The following FRMD3 variants were observed in gnomAD, a reference collection of about 807,000 sequenced individuals.
FRMD3 encodes FERM domain containing 3.
FRMD3 carries 33 observed loss-of-function variants against 70.2 expected under a neutral mutation model. The observed-to-expected ratio is 0.47, with a 90% confidence interval of 0.36 to 0.63. The LOEUF (loss-of-function observed/expected upper bound fraction) is 0.63, where lower values mean the gene tolerates loss of function less well. FRMD3 is among the 20% of genes least tolerant of loss of function. The pLI is 0.00. For missense variants in FRMD3, 632 were observed against 711.4 expected (o/e 0.89, Z 1.27); for synonymous variants, 279 against 255.9 (o/e 1.09, Z -0.86).
intron 1 of FRMD3, among the ~76,000 whole-genome samples, chr9:83,475,180 A>G (rs1828366091): frequency 6.6e-6 from 1 of 152,204 alleles, no homozygotes; most frequent in African/African-American, 2.4e-5. Context: ...ACAGATTCAC[A>G]GGTGATCTAG....
intron 6 of FRMD3, among the ~76,000 whole-genome samples, chr9:83,331,631 A>G (rs963850255): frequency 1.3e-5 from 2 of 152,206 alleles, no homozygotes; most frequent in African/African-American, 4.8e-5. Flanking sequence ...CGGTTGTAAT[A>G]CATGTACCAC....
chr9:83,343,052 G>A lies in FRMD3; in HGVS notation c.472+138C>T, dbSNP rs966821856. On this transcript the variant is annotated intron_variant, in intron 5 of 13. Coordinates refer to ENST00000304195, the MANE Select transcript of FRMD3 (RefSeq NM_174938.6). ...GGAAGGGAAGGTGAGTTGGGGTTCT[G>A]TTGCTACGTACCCAGCCCTACATGG... 5.9e-6 allele frequency: 4 copies of A among 677,834 alleles called. No individual in the cohort carries two copies. In the Admixed American group the frequency reaches 7.2e-5, roughly 12 times the overall value. The allele number at this position is 677,834 out of a possible 1,614,324, so 42.0% of individuals were successfully genotyped here. A position where few individuals can be genotyped will look rare whatever the true frequency, so the allele number is the denominator to read the frequency against.
the FRMD3 span, among the ~76,000 whole-genome samples, chr9:83,558,834 A>G: frequency 6.6e-6 from 1 of 152,254 alleles, no homozygotes; most frequent in African/African-American, 2.4e-5. Context: ...GAGGAGTTCA[A>G]GACTTCAGTG....
intron 1 of FRMD3, among the ~76,000 whole-genome samples, chr9:83,515,875 A>G (rs985376781): frequency 6.6e-6 from 1 of 152,184 alleles, no homozygotes; most frequent in African/African-American, 2.4e-5. Context: ...ACTAAGCTTC[A>G]TTAAGTGAAG....
intron 6 of FRMD3, among the ~76,000 whole-genome samples, chr9:83,322,660 C>G (rs957713584): frequency 1.8e-4 from 27 of 152,168 alleles, no homozygotes; most frequent in Non-Finnish European, 2.9e-4. Flanking sequence ...ATGTCAGGCC[C>G]TAGGCCCTAA....
At chr9:83,300,880 T>C (rs1457357224) in intron 10 of FRMD3, among the ~76,000 whole-genome samples, 1 of 152,168 alleles carries the variant, frequency 6.6e-6, no homozygotes, top group Non-Finnish European at 1.5e-5. Context: ...AGACCTTAAG[T>C]GGTCCTTGTT....
At chr9:83,392,633 G>A (rs1184592693) in intron 1 of FRMD3, among the ~76,000 whole-genome samples, 2 of 152,116 alleles carry the variant, frequency 1.3e-5, no homozygotes, top group African/African-American at 4.8e-5. Context: ...TGAATAAGAA[G>A]TCTTTCCTTT....
chr9:83,273,609 TA>T (rs899879607), intron 13 of FRMD3, among the ~76,000 whole-genome samples: 1,722 of 71,316 alleles, frequency 0.024, 25 homozygotes, highest in African/African-American at 0.058. Context: ...CAATAAATAC[TA>T]AAAAAAAAAA....
chr9:83,396,070 T>C (rs1264923853), intron 1 of FRMD3, among the ~76,000 whole-genome samples: 1 of 152,206 alleles, frequency 6.6e-6, no homozygotes, highest in African/African-American at 2.4e-5. Context: ...ATGTTACAGA[T>C]GAGGAAAAAT....
intron 1 of FRMD3, among the ~76,000 whole-genome samples, chr9:83,516,162 GAC>G (rs1321623292): frequency 6.6e-6 from 1 of 152,160 alleles, no homozygotes; most frequent in Non-Finnish European, 1.5e-5. Context: ...CCAATTAAAA[GAC>G]ACAGACTGGC....
rs561503027 is a variant in FRMD3, at chr9:83,329,588, G to A, written c.596+5928C>T. ...CATTTTTTTAAACTATAGCCATGGC[G>A]CATGATTTACAGAGAATATAACCTT... On this transcript the variant is annotated intron_variant, in intron 6 of 13. Coordinates refer to ENST00000304195, the MANE Select transcript of FRMD3 (RefSeq NM_174938.6). Among the ~76,000 whole-genome samples the A allele has an allele frequency of 1.2e-3, 181 of 152,184 alleles. 1 individual carries two copies. Among genetic ancestry groups the A allele is most frequent in the African/African-American group, 3.8e-3 (156 of 41,506 alleles).
At chr9:83,403,932 G>T (rs1003220078) in intron 1 of FRMD3, among the ~76,000 whole-genome samples, 2 of 152,012 alleles carry the variant, frequency 1.3e-5, no homozygotes, top group Non-Finnish European at 2.9e-5. Flanking sequence ...CCCTGTGAAG[G>T]TCTAATGTCT....
At chr9:83,491,714 T>C (rs1587469135) in intron 1 of FRMD3, among the ~76,000 whole-genome samples, 1 of 152,344 alleles carries the variant, frequency 6.6e-6, no homozygotes, top group East Asian at 1.9e-4. Context: ...CCACCTCGGA[T>C]GCCTCCTGAC....
At chr9:83,412,105 G>A (rs564353544) in intron 1 of FRMD3, among the ~76,000 whole-genome samples, 12 of 152,218 alleles carry the variant, frequency 7.9e-5, no homozygotes, top group African/African-American at 2.6e-4. Flanking sequence ...GCCTGTTTCT[G>A]ATATTTAACT....
chr9:83,418,784 T>C (rs539351553), intron 1 of FRMD3, among the ~76,000 whole-genome samples: 2 of 152,316 alleles, frequency 1.3e-5, no homozygotes, highest in African/African-American at 4.8e-5. Context: ...ACTGGGTATC[T>C]ACCCAGAGGA....
At chr9:83,356,238 G>C (rs113184422) in intron 3 of FRMD3, among the ~76,000 whole-genome samples, 2,580 of 149,864 alleles carry the variant, frequency 0.017, 78 homozygotes, top group African/African-American at 0.059. Flanking sequence ...AGATCAGATA[G>C]GATTTTTTGA....
At chr9:83,320,481 T>C (rs1835756856) in intron 6 of FRMD3, among the ~76,000 whole-genome samples, 1 of 151,996 alleles carries the variant, frequency 6.6e-6, no homozygotes, top group Non-Finnish European at 1.5e-5. Context: ...TGAACAATCA[T>C]TGCATCCCTG....
chr9:83,326,164 T>TTGATGCAA (rs1323034459), intron 6 of FRMD3, among the ~76,000 whole-genome samples: 2 of 152,010 alleles, frequency 1.3e-5, no homozygotes, highest in African/African-American at 2.4e-5. Flanking sequence ...GTAAAAAGAG[T>TTGATGCAA]ACCTACCTCC....
Position 83,538,319 on chromosome 9 carries a change from G to C in FRMD3, c.-88C>G. On this transcript the variant is annotated 5_prime_UTR_variant, in exon 1 of 14. Coordinates refer to ENST00000304195, the MANE Select transcript of FRMD3 (RefSeq NM_174938.6). The surrounding 1 kb of genome is among the most constrained non-coding windows in gnomAD (Gnocchi z 4.7). ...CACACACGCTCGCACGCACTGTCCGGGACACCTGGGCGCGGCTCAGCCCCG... is the reference window on the plus strand; with the variant it reads ...CACACACGCTCGCACGCACTGTCCGCGACACCTGGGCGCGGCTCAGCCCCG... 2 of 1,292,828 alleles carry C rather than the reference G, an allele frequency of 1.5e-6. No individual in the cohort carries two copies. Among genetic ancestry groups the C allele is most frequent in the Non-Finnish European group, 2.0e-6 (2 of 981,250 alleles). The allele number at this position is 1,292,828 out of a possible 1,614,324, so 80.1% of individuals were successfully genotyped here.
Sources: gnomAD v4.1 joint callset for allele counts (sites outside exome capture counted in the v4.1 genomes callset) on GRCh38, gnomAD v4.1.1 for gene constraint, Gnocchi (gnomAD v3.1) non-coding constraint, MANE v1.5 for transcripts, NCBI Gene and HGNC (gene_info 2026-07-23, HGNC 2026-07-21) for gene names.